IMPG2: variants seen among roughly 807,000 people sequenced by gnomAD.
IMPG2 encodes IPM 200.
IMPG2 carries 91 observed loss-of-function variants against 129.2 expected under a neutral mutation model. The ratio of observed to expected loss-of-function variants is 0.70; its 90% CI spans 0.59 to 0.84. The LOEUF is 0.84. Ranked by LOEUF, IMPG2 falls within the 40% of genes least tolerant of loss-of-function variation. IMPG2 has a pLI of 0.00. For synonymous variants in IMPG2, 510 were observed against 517.7 expected (o/e 0.99, Z 0.20); for missense variants, 1,430 against 1,461.7 (o/e 0.98, Z 0.35).
chr3:101,297,154 C>G (rs943704447), intron 3 of IMPG2, among the ~76,000 whole-genome samples: 1 of 152,110 alleles, frequency 6.6e-6, no homozygotes, highest in African/African-American at 2.4e-5. Flanking sequence ...ATGATCCGCC[C>G]ACCTCAGCCT....
chr3:101,291,551 A>G, intron 3 of IMPG2, 41 bp from the exon 4 acceptor site: 2 of 1,501,812 alleles, frequency 1.3e-6, no homozygotes, highest in Non-Finnish European at 1.9e-6. Context: ...AGTTAACAAC[A>G]GTTATTAAGG....
In IMPG2 at chr3:101,244,238, G is replaced by T. The variant is rs767082811; in HGVS notation, c.2093C>A (p.Ala698Glu). Residue 698 changes from alanine (A) to glutamate (E), a missense_variant, in exon 13 of 19, where the codon GCG (alanine) becomes GAG (glutamate). Ala to Glu is a moderately radical substitution (Grantham distance 107). Coordinates refer to ENST00000193391, the MANE Select transcript of IMPG2 (RefSeq NM_016247.4). ...TATGTGCTTGGGGAGGGTTAGAGAC[G>T]CAGATTCAGCTGCAGTATCTGCGAA... The part of the protein sequence containing the change: ...PIFADTAAES[A>E]SLTLPKHISE... The T allele has an allele frequency of 1.2e-6, 2 of 1,613,828 alleles. No homozygotes were observed. The highest frequency in any genetic ancestry group is 2.7e-5 in the African/African-American group (2 of 74,914).
chr3:101,242,954 T>G, intron 13 of IMPG2, 47 bp from the exon 14 acceptor site: 1 of 1,471,426 alleles, frequency 6.8e-7, no homozygotes, highest in Non-Finnish European at 9.5e-7. Context: ...TGTCACATTT[T>G]GTTCAATACA....
chr3:101,315,426 A>C (rs1252189118), intron 2 of IMPG2, among the ~76,000 whole-genome samples: 1 of 152,174 alleles, frequency 6.6e-6, no homozygotes, highest in Non-Finnish European at 1.5e-5. Context: ...CAGACTGTCC[A>C]CGTGGGTGCC....
At chr3:101,304,379 G>A (rs978975981) in intron 2 of IMPG2, 67 bp from the exon 3 acceptor site, 3 of 1,408,582 alleles carry the variant, frequency 2.1e-6, no homozygotes, top group Non-Finnish European at 3.0e-6. Context: ...AATGATCATA[G>A]ACTGATTCGT....
intron 14 of IMPG2, among the ~76,000 whole-genome samples, chr3:101,234,207 G>T (rs1484853455): frequency 6.7e-6 from 1 of 150,264 alleles, no homozygotes; most frequent in Non-Finnish European, 1.5e-5. Context: ...GCAATGATTG[G>T]TGTCCTTATA....
At chr3:101,304,589 A>G (rs1427890822) in intron 2 of IMPG2, among the ~76,000 whole-genome samples, 1 of 152,270 alleles carries the variant, frequency 6.6e-6, no homozygotes. Context: ...AAAAAAGTCC[A>G]TGTTTATACT....
At chr3:101,309,570 A>C (rs1337144863) in intron 2 of IMPG2, among the ~76,000 whole-genome samples, 2 of 152,168 alleles carry the variant, frequency 1.3e-5, no homozygotes, top group Non-Finnish European at 2.9e-5. Context: ...CACTATCATA[A>C]GAACAGCATG....
chr3:101,241,933 G>A (rs1190020468), intron 14 of IMPG2, among the ~76,000 whole-genome samples: 1 of 152,072 alleles, frequency 6.6e-6, no homozygotes, highest in Non-Finnish European at 1.5e-5. Context: ...GGAGGCTGAG[G>A]CAGGAGAATT....
intron 8 of IMPG2, among the ~76,000 whole-genome samples, chr3:101,269,207 T>TGCCTTCA (rs1706752235): frequency 4.6e-5 from 1 of 21,606 alleles, no homozygotes; most frequent in Non-Finnish European, 1.1e-4. Context: ...ACATCTCGTC[T>TGCCTTCA]GCCTCCTATC....
At position 101,288,043 on chromosome 3, in the gene IMPG2, C is replaced by A. The variant is rs1020838161; in HGVS notation, c.533+3436G>T. ...CTATAGGGAATTTAAACAATTCAAC[C>A]AGCAAAAAGCAAATAACCCCATTAA... On this transcript the variant is annotated intron_variant, in intron 4 of 18. Coordinates refer to ENST00000193391, the MANE Select transcript of IMPG2 (RefSeq NM_016247.4). Among the ~76,000 whole-genome samples the A allele has an allele frequency of 9.2e-5, 14 of 151,912 alleles. No homozygotes were observed. In the East Asian group the frequency reaches 2.5e-3, roughly 27 times the overall value.
At chr3:101,287,313 G>T (rs1473306606) in intron 4 of IMPG2, among the ~76,000 whole-genome samples, 1 of 152,080 alleles carries the variant, frequency 6.6e-6, no homozygotes, top group African/African-American at 2.4e-5. Flanking sequence ...TGACCATACT[G>T]CCCAAAGCAA....
chr3:101,294,808 C>T (rs1186405632), intron 3 of IMPG2, among the ~76,000 whole-genome samples: 1 of 152,174 alleles, frequency 6.6e-6, no homozygotes, highest in Non-Finnish European at 1.5e-5. Context: ...GATGGTATGT[C>T]ATTTTGGTTT....
chr3:101,241,845 T>A (rs1181055336), intron 14 of IMPG2, among the ~76,000 whole-genome samples: 1 of 151,914 alleles, frequency 6.6e-6, no homozygotes. Context: ...CTAGCCAACA[T>A]GGAGAAACTC....
intron 18 of IMPG2, among the ~76,000 whole-genome samples, chr3:101,228,110 T>C (rs1455147912): frequency 1.3e-5 from 2 of 152,224 alleles, no homozygotes; most frequent in East Asian, 1.9e-4. Flanking sequence ...ACGCCCATTA[T>C]GGCCTCTTTT....
intron 14 of IMPG2, among the ~76,000 whole-genome samples, chr3:101,240,068 A>T (rs910887934): frequency 7.1e-6 from 1 of 140,524 alleles, no homozygotes; most frequent in Non-Finnish European, 1.5e-5. Context: ...GAAGTATAAT[A>T]AAAAAAAAAA....
chr3:101,267,812 T>A (rs549798014), intron 8 of IMPG2, among the ~76,000 whole-genome samples: 3 of 151,940 alleles, frequency 2.0e-5, no homozygotes, highest in South Asian at 2.1e-4. Flanking sequence ...TTTCAGTAAA[T>A]CAGCAGAGGA....
At chr3:101,304,381 C>T in intron 2 of IMPG2, 69 bp from the exon 3 acceptor site, 1 of 1,384,344 alleles carries the variant, frequency 7.2e-7, no homozygotes, top group Non-Finnish European at 1.0e-6. Flanking sequence ...TGATCATAGA[C>T]TGATTCGTAC....
At chr3:101,256,122 AAGAG>A (rs1706597203) in intron 10 of IMPG2, among the ~76,000 whole-genome samples, 2 of 148,196 alleles carry the variant, frequency 1.3e-5, no homozygotes, top group Non-Finnish European at 3.0e-5. Flanking sequence ...AAGAAAAAGA[AAGAG>A]AGAAAGAAAG....
Sources: gnomAD v4.1 joint callset for allele counts (sites outside exome capture counted in the v4.1 genomes callset) on GRCh38, gnomAD v4.1.1 for gene constraint, MANE v1.5 for transcripts, NCBI Gene and HGNC (gene_info 2026-07-23, HGNC 2026-07-21) for gene names.